Variants in CACNB4 observed in about 807,000 individuals in gnomAD.
CACNB4 encodes voltage-dependent L-type calcium channel subunit beta-4.
CACNB4 carries 32 observed loss-of-function variants against 71.2 expected under a neutral mutation model. The ratio of observed to expected loss-of-function variants is 0.45; its 90% confidence interval spans 0.34 to 0.60. The LOEUF is 0.60. CACNB4 is among the 20% of genes least tolerant of loss of function. CACNB4 has a pLI of 0.01. For synonymous variants in CACNB4, 231 were observed against 236.9 expected (o/e 0.97, Z 0.23); for missense variants, 464 against 647.9 (o/e 0.72, Z 3.08).
chr2:152,035,630 C>CCTCTCTCTCTCTCTCTCTCTCT (rs369495604), intron 2 of CACNB4, among the ~76,000 whole-genome samples: 1 of 93,292 alleles, frequency 1.1e-5, no homozygotes, highest in African/African-American at 4.4e-5. Flanking sequence ...CCTCCCTCTC[C>CCTCTCTCTCTCTCTCTCTCTCT]CTCTCTCTCT....
At chr2:152,024,216 A>G (rs757102412) in intron 2 of CACNB4, among the ~76,000 whole-genome samples, 1 of 152,196 alleles carries the variant, frequency 6.6e-6, no homozygotes, top group South Asian at 2.1e-4. Flanking sequence ...CTAGCTACTC[A>G]GGAGGCTGAG....
chr2:151,900,854 T>C (rs1396492596), intron 2 of CACNB4, among the ~76,000 whole-genome samples: 1 of 152,064 alleles, frequency 6.6e-6, no homozygotes, highest in Non-Finnish European at 1.5e-5. Context: ...ATATACACAA[T>C]TTACCTACTG....
chr2:151,914,404 G>C (rs565686412), intron 2 of CACNB4, among the ~76,000 whole-genome samples: 72 of 152,144 alleles, frequency 4.7e-4, no homozygotes, highest in Admixed American at 4.6e-3. Context: ...TCTTTGCATT[G>C]GGTTAGAACA....
chr2:152,077,755 G>A (rs1464044103), intron 2 of CACNB4, among the ~76,000 whole-genome samples: 4 of 151,994 alleles, frequency 2.6e-5, no homozygotes, highest in African/African-American at 9.7e-5. Context: ...AAGAAAACCC[G>A]AGACTGAGAG....
intron 13 of CACNB4, among the ~76,000 whole-genome samples, chr2:151,841,024 G>C (rs1394447299): frequency 6.6e-6 from 1 of 152,158 alleles, no homozygotes; most frequent in Non-Finnish European, 1.5e-5. Flanking sequence ...TCCTGTGTTC[G>C]TCACCAGCTT....
At chr2:152,021,790 A>G (rs796919346) in intron 2 of CACNB4, among the ~76,000 whole-genome samples, 9 of 152,354 alleles carry the variant, frequency 5.9e-5, no homozygotes, top group African/African-American at 2.2e-4. Flanking sequence ...AGCTAAAAGT[A>G]ATTTGATGTT....
Position 151,870,538 on chromosome 2 carries a change from C to G in CACNB4, c.692G>C (p.Gly231Ala). 1.9e-6 allele frequency: 3 copies of G among 1,613,094 alleles called. No homozygotes were observed. Among genetic ancestry groups the G allele is most frequent in the Non-Finnish European group, 2.5e-6 (3 of 1,179,124 alleles). ...AACAGATGATATTTGTACCTCGTAA[C>G]CTTTCAGTGACGGCCCCACTAACAC... Reference protein sequence around the residue: ...PVVLVGPSLKGYEVTDMMQKA... With the variant: ...PVVLVGPSLKAYEVTDMMQKA... The change falls in exon 8 of 14, where the codon GGT (glycine) becomes GCT (alanine). Residue 231 changes from glycine to alanine, a missense_variant. Transcript: ENST00000539935.
intron 2 of CACNB4, among the ~76,000 whole-genome samples, chr2:152,081,702 C>T (rs1447395362): frequency 6.6e-6 from 1 of 152,128 alleles, no homozygotes; most frequent in Non-Finnish European, 1.5e-5. Flanking sequence ...CCAAAGGCCG[C>T]ACCTCCAAAT....
At chr2:151,957,255 G>GGTGTGT (rs1560067172) in intron 2 of CACNB4, among the ~76,000 whole-genome samples, 1 of 24,942 alleles carries the variant, frequency 4.0e-5, no homozygotes, top group African/African-American at 7.0e-5. Flanking sequence ...AGAGTGGCTG[G>GGTGTGT]GCGTGTGTGT....
At chr2:151,905,108 T>C (rs922604952) in intron 2 of CACNB4, among the ~76,000 whole-genome samples, 3 of 152,202 alleles carry the variant, frequency 2.0e-5, no homozygotes, top group African/African-American at 7.2e-5. Flanking sequence ...CGTGCCAGGA[T>C]ACTGTACTCT....
At chr2:152,075,524 G>A (rs1407428056) in intron 2 of CACNB4, among the ~76,000 whole-genome samples, 1 of 152,194 alleles carries the variant, frequency 6.6e-6, no homozygotes, top group Admixed American at 6.5e-5. Context: ...AGCAACAGAA[G>A]GGAGAGCATT....
chr2:152,045,729 T>C (rs1685113558), intron 2 of CACNB4, among the ~76,000 whole-genome samples: 1 of 152,270 alleles, frequency 6.6e-6, no homozygotes, highest in Middle Eastern at 3.4e-3. Context: ...CAGACTGGAA[T>C]TCCCAGTCCT....
intron 2 of CACNB4, among the ~76,000 whole-genome samples, chr2:152,051,206 C>A (rs1215058161): frequency 6.6e-6 from 1 of 152,174 alleles, no homozygotes; most frequent in Non-Finnish European, 1.5e-5. Flanking sequence ...CGCCCCCCAT[C>A]CCTACCCAGC....
chr2:151,931,428 G>A (rs760439380), intron 2 of CACNB4, among the ~76,000 whole-genome samples: 2 of 152,168 alleles, frequency 1.3e-5, no homozygotes, highest in Non-Finnish European at 2.9e-5. Context: ...TGAATGGCCT[G>A]CTTATCCAGT....
chr2:151,947,384 C>T (rs773268288), intron 2 of CACNB4, among the ~76,000 whole-genome samples: 7 of 152,116 alleles, frequency 4.6e-5, no homozygotes, highest in Non-Finnish European at 8.8e-5. Context: ...TCCCTGCTGC[C>T]CCTAGCGGAT....
intron 2 of CACNB4, among the ~76,000 whole-genome samples, chr2:151,893,610 T>C (rs2099851298): frequency 6.6e-6 from 1 of 152,074 alleles, no homozygotes; most frequent in Admixed American, 6.6e-5. Context: ...ATAACACACA[T>C]ATATTTTAAA....
At chr2:151,852,944 TAGA>T (rs1195327131) in intron 12 of CACNB4, 1 of 152,472 alleles carries the variant, frequency 6.6e-6, no homozygotes, top group Non-Finnish European at 1.5e-5. Context: ...GCAATGGCAC[TAGA>T]AGAAGAGTTG....
intron 2 of CACNB4, among the ~76,000 whole-genome samples, chr2:152,094,648 G>A (rs570841843): frequency 5.9e-5 from 9 of 152,290 alleles, no homozygotes; most frequent in African/African-American, 1.4e-4. Context: ...ACATGTCACC[G>A]TACTGTTTGT....
At chr2:151,960,529 C>T (rs562473219) in intron 2 of CACNB4, among the ~76,000 whole-genome samples, 6 of 152,308 alleles carry the variant, frequency 3.9e-5, no homozygotes, top group South Asian at 2.1e-4. Flanking sequence ...CCATTGCGAT[C>T]GGTCCCAGGG....
Sources: allele counts gnomAD v4.1 joint callset (sites outside exome capture counted in the v4.1 genomes callset), GRCh38; gene constraint gnomAD v4.1.1; transcripts MANE v1.5; gene names NCBI Gene and HGNC (gene_info 2026-07-23, HGNC 2026-07-21).